The following XPO5 variants were observed in gnomAD, a reference collection of about 807,000 sequenced individuals.
XPO5 encodes the protein exportin-5.
Under a neutral mutation model 160.6 loss-of-function variants are expected in XPO5, and 46 were observed. That is an observed-to-expected ratio of 0.29 (90% CI 0.23 to 0.37). XPO5 has a LOEUF of 0.37. Ranked by LOEUF, XPO5 falls within the 10% of genes least tolerant of loss-of-function variation. The pLI, the probability that XPO5 is intolerant of heterozygous loss-of-function variation, is 1.00. For synonymous variants in XPO5, 537 were observed against 519.3 expected (o/e 1.03, Z -0.46); for missense variants, 1,090 against 1,463.9 (o/e 0.74, Z 4.17).
In XPO5 at chr6:43,547,577, A is replaced by G. The variant is rs372839838; in HGVS notation, c.2160+31T>C. On this transcript the variant is annotated intron_variant, in intron 19 of 31. Coordinates refer to ENST00000265351, the MANE Select transcript of XPO5 (RefSeq NM_020750.3). ...AACACCCTACTCCTACCCATGGCCA[A>G]TGCCACTTCCCATTCCCAGGAAAGT... 7.1e-4 allele frequency: 1,135 copies of G among 1,605,036 alleles called. 17 individuals carry two copies. The South Asian group carries it at 0.012, about 17-fold the overall frequency.
intron 10 of XPO5, 89 bp downstream of exon 10, chr6:43,560,835 T>C: frequency 1.8e-6 from 2 of 1,100,360 alleles, no homozygotes; most frequent in South Asian, 1.3e-5. Flanking sequence ...TCACATTTTA[T>C]ACATGATCTA....
intron 20 of XPO5, among the ~76,000 whole-genome samples, chr6:43,540,169 C>T (rs1794614403): frequency 1.3e-5 from 2 of 152,126 alleles, no homozygotes; most frequent in African/African-American, 2.4e-5. Context: ...GAGGGGGGAT[C>T]ACCTGAGGTC....
intron 15 of XPO5, among the ~76,000 whole-genome samples, chr6:43,550,711 A>G (rs1795186259): frequency 6.6e-6 from 1 of 152,200 alleles, no homozygotes; most frequent in South Asian, 2.1e-4. Flanking sequence ...GATGTTCTAC[A>G]TATTCTTCAA....
At chr6:43,555,246 T>G (rs1416331331) in intron 13 of XPO5, 2 of 152,304 alleles carry the variant, frequency 1.3e-5, no homozygotes, top group Non-Finnish European at 2.9e-5. Flanking sequence ...CCAGCCTTTT[T>G]GCTTTATTAA....
intron 6 of XPO5, among the ~76,000 whole-genome samples, chr6:43,567,668 G>C (rs377375008): frequency 6.6e-6 from 1 of 151,900 alleles, no homozygotes; most frequent in Admixed American, 6.6e-5. Context: ...CAAGGTGGGT[G>C]AATCAACTGA....
At chr6:43,548,638 T>G (rs548519878) in intron 17 of XPO5, among the ~76,000 whole-genome samples, 178 bp from the exon 18 acceptor site, 18 of 152,062 alleles carry the variant, frequency 1.2e-4, no homozygotes, top group Non-Finnish European at 1.5e-4. Context: ...CAAGGCAATT[T>G]AGGCGGAAGA....
At chr6:43,540,702 G>A (rs1450138451) in intron 20 of XPO5, among the ~76,000 whole-genome samples, 1 of 152,112 alleles carries the variant, frequency 6.6e-6, no homozygotes, top group African/African-American at 2.4e-5. Context: ...ACGTTGCCCA[G>A]GCTGGTCTCC....
At chr6:43,574,501 T>C (rs1262646547) in intron 1 of XPO5, among the ~76,000 whole-genome samples, 1 of 150,778 alleles carries the variant, frequency 6.6e-6, no homozygotes, top group Non-Finnish European at 1.5e-5. Flanking sequence ...TATATATATA[T>C]TATGAATAAA....
intron 12 of XPO5, among the ~76,000 whole-genome samples, chr6:43,557,375 G>A (rs1325869147): frequency 2.0e-5 from 3 of 151,636 alleles, no homozygotes; most frequent in Non-Finnish European, 2.9e-5. Flanking sequence ...GCAGTGAGCC[G>A]AGATTGTGCC....
At position 43,543,483 on chromosome 6, in the gene XPO5, A is replaced by G. The variant is rs1189443045; in HGVS notation, c.2342+3088T>C. ...TAAGTAAGTAAGTAAATAAATAAAT[A>G]AATACAAATCAGAATAGTAGTTATC... On this transcript the variant is annotated intron_variant, in intron 20 of 31. Coordinates refer to ENST00000265351, the MANE Select transcript of XPO5 (RefSeq NM_020750.3). Among the ~76,000 whole-genome samples, 8 of 152,064 alleles carry G rather than the reference A, an allele frequency of 5.3e-5. No individual in the cohort carries two copies. The East Asian group carries it at 1.5e-3, about 29-fold the overall frequency.
chr6:43,536,417 CAAA>C (rs34540299), intron 20 of XPO5, among the ~76,000 whole-genome samples: 1 of 137,420 alleles, frequency 7.3e-6, no homozygotes, highest in East Asian at 2.3e-4. Context: ...TCCAACTCGA[CAAA>C]AAAAAAAAGT....
chr6:43,556,469 T>C (rs1172366517), intron 12 of XPO5, among the ~76,000 whole-genome samples: 2 of 148,622 alleles, frequency 1.3e-5, no homozygotes, highest in African/African-American at 5.0e-5. Flanking sequence ...AAGATTGTAG[T>C]GAGCCATGAT....
At chr6:43,562,209 T>C in intron 9 of XPO5, 38 bp downstream of exon 9, 1 of 1,536,136 alleles carries the variant, frequency 6.5e-7, no homozygotes, top group Non-Finnish European at 8.9e-7. Flanking sequence ...TCTTCCCAAA[T>C]GGGCTTGAAG....
intron 28 of XPO5, 73 bp downstream of exon 28, chr6:43,525,766 T>C (rs1018901397): frequency 4.9e-5 from 73 of 1,504,872 alleles, no homozygotes; most frequent in Non-Finnish European, 6.4e-5. Flanking sequence ...GATAGCACCA[T>C]AGAGCAAGAA....
At chr6:43,530,572 A>C in intron 23 of XPO5, 116 bp downstream of exon 23, 1 of 1,265,286 alleles carries the variant, frequency 7.9e-7, no homozygotes, top group Non-Finnish European at 1.1e-6. Flanking sequence ...ACTTAGATAC[A>C]TAATCTCATC....
intron 16 of XPO5, 37 bp downstream of exon 16, chr6:43,549,856 A>G (rs752996754): frequency 1.3e-6 from 2 of 1,581,370 alleles, no homozygotes; most frequent in Non-Finnish European, 8.6e-7. Context: ...TTTGTACTCA[A>G]GAAGTTAGAA....
At position 43,528,831 on chromosome 6, in the gene XPO5, A is replaced by G; in HGVS notation, c.2772T>C (p.His924=). The G allele has an allele frequency of 6.2e-7, 1 of 1,613,282 alleles. No individual in the cohort carries two copies. Among genetic ancestry groups the G allele is most frequent in the Non-Finnish European group, 8.5e-7 (1 of 1,179,432 alleles). Residue 924 remains histidine (H), a synonymous_variant, in exon 24 of 32, where the codon CAT becomes CAC. Coordinates refer to ENST00000265351, the MANE Select transcript of XPO5 (RefSeq NM_020750.3). ...PILGPLFTYL[H]MRLSQKWQVI... ...CTGTTCCTGACTTATCTCTTACCAT[A>G]TGGAGGTAGGTGAAAAGAGGTCCGA...
chr6:43,570,723 T>G (rs746867173), intron 4 of XPO5, 39 bp from the exon 5 acceptor site: 14 of 1,548,820 alleles, frequency 9.0e-6, no homozygotes, highest in African/African-American at 1.4e-5. Context: ...AACTAAAATA[T>G]CTTTTCATTT....
chr6:43,533,743 G>C (rs1189079990), intron 21 of XPO5, 164 bp downstream of exon 21: 1 of 406,514 alleles, frequency 2.5e-6, no homozygotes, highest in Non-Finnish European at 4.6e-6. Flanking sequence ...GCTGAGGCAG[G>C]AAGACTGCTT....
Sources: allele counts gnomAD v4.1 joint callset (sites outside exome capture counted in the v4.1 genomes callset), GRCh38; gene constraint gnomAD v4.1.1; transcripts MANE v1.5; gene names NCBI Gene and HGNC (gene_info 2026-07-23, HGNC 2026-07-21).